ADAMTS12: variants seen among roughly 807,000 people sequenced by gnomAD.
ADAMTS12 encodes the protein ADAM metallopeptidase with thrombospondin type 1 motif 12, also known as A disintegrin and metalloproteinase with thrombospondin motifs 12.
Under a neutral mutation model 167.8 loss-of-function variants are expected in ADAMTS12, and 118 were observed. That is an observed-to-expected ratio of 0.70 (90% CI 0.61 to 0.82). The LOEUF is 0.82. ADAMTS12 is among the 40% of genes least tolerant of loss of function. The pLI is 0.00. For synonymous variants in ADAMTS12, 704 were observed against 716.9 expected (o/e 0.98, Z 0.29); for missense variants, 1,916 against 1,998.8 (o/e 0.96, Z 0.79).
intron 19 of ADAMTS12, among the ~76,000 whole-genome samples, chr5:33,565,724 A>G (rs1252647407): frequency 9.3e-6 from 1 of 107,086 alleles, no homozygotes; most frequent in South Asian, 2.8e-4. Flanking sequence ...AAGACCATTT[A>G]TTTCTGTCAA....
In ADAMTS12 at chr5:33,581,203, C is replaced by G. The variant is rs118116313; in HGVS notation, c.2866-4043G>C. On this transcript the variant is annotated intron_variant, in intron 18 of 23. Coordinates refer to ENST00000504830, the MANE Select transcript of ADAMTS12 (RefSeq NM_030955.4). ...GAGATAAATGCAGTACACAACGCCA[C>G]ACTCCAAACCTATCTCAATTGGTAG... Among the ~76,000 whole-genome samples the G allele has an allele frequency of 8.5e-4, 130 of 152,354 alleles. 1 individual carries two copies. In the East Asian group the frequency reaches 0.022, roughly 26 times the overall value.
chr5:33,672,585 A>T (rs904781503), intron 5 of ADAMTS12, among the ~76,000 whole-genome samples: 11 of 152,290 alleles, frequency 7.2e-5, no homozygotes, highest in Admixed American at 1.3e-4. Flanking sequence ...GAAAAGCTCT[A>T]CCTTTCAATA....
At chr5:33,849,972 T>C (rs1408915651) in intron 2 of ADAMTS12, among the ~76,000 whole-genome samples, 2 of 152,064 alleles carry the variant, frequency 1.3e-5, no homozygotes, top group Non-Finnish European at 2.9e-5. Context: ...AGGTGGGAGA[T>C]GTATTTTATA....
At chr5:33,823,048 A>G (rs899937564) in intron 2 of ADAMTS12, among the ~76,000 whole-genome samples, 2 of 151,078 alleles carry the variant, frequency 1.3e-5, no homozygotes, top group Non-Finnish European at 2.9e-5. Flanking sequence ...CTATGATCAC[A>G]CCACTTCACT....
chr5:33,610,711 G>A (rs191987954), intron 16 of ADAMTS12, among the ~76,000 whole-genome samples: 1 of 152,274 alleles, frequency 6.6e-6, no homozygotes, highest in Non-Finnish European at 1.5e-5. Context: ...CTGCAAAATA[G>A]TAGCATGTAT....
chr5:33,531,004 C>G (rs373290192), intron 23 of ADAMTS12, among the ~76,000 whole-genome samples: 3 of 152,268 alleles, frequency 2.0e-5, no homozygotes, highest in East Asian at 1.9e-4. Context: ...GGCCCTTCAT[C>G]CAACCTGAGT....
chr5:33,576,547 C>T lies in ADAMTS12; in HGVS notation c.3479G>A (p.Gly1160Glu), dbSNP rs963969902. Residue 1160 changes from glycine to glutamate, a missense_variant, in exon 19 of 24, where the codon GGG (glycine) becomes GAG (glutamate). Gly to Glu is a moderately conservative substitution (Grantham distance 98, BLOSUM62 -2). Transcript: ENST00000504830. ...GPEMEIHSGSGEEREQPEDKD... is the reference protein window; with the variant it reads ...GPEMEIHSGSEEEREQPEDKD... ...GTCCTCAGGCTGTTCTCTTTCTTCC[C>T]CTGAGCCACTGTGAATCTCCATTTC... is the stretch of plus-strand genomic sequence containing the variant. The T allele has an allele frequency of 1.9e-6, 3 of 1,613,876 alleles. No individual in the cohort carries two copies. Among genetic ancestry groups the T allele is most frequent in the African/African-American group, 1.3e-5 (1 of 75,030 alleles).
At chr5:33,587,030 T>C (rs1398874254) in intron 18 of ADAMTS12, among the ~76,000 whole-genome samples, 1 of 152,038 alleles carries the variant, frequency 6.6e-6, no homozygotes, top group Non-Finnish European at 1.5e-5. Flanking sequence ...CTAGGGACCA[T>C]ATTTTCTGTT....
In ADAMTS12 at chr5:33,546,133, T is replaced by C. The variant is rs761496496; in HGVS notation, c.4372A>G (p.Thr1458Ala). Residue 1458 changes from threonine (T) to alanine (A), a missense_variant, in exon 22 of 24, where the codon ACA (threonine) becomes GCA (alanine). By Grantham distance (58) the Thr-to-Ala change is moderately conservative. Coordinates refer to ENST00000504830, the MANE Select transcript of ADAMTS12 (RefSeq NM_030955.4). Reference protein sequence around the residue: ...VFCPGGLCDWTKRPTSTMSCN... With the variant: ...VFCPGGLCDWAKRPTSTMSCN... ...GACATGGTGGATGTGGGTCTTTTTG[T>C]CCAATCACAGAGGCCTCCTGGACAG... is the stretch of plus-strand genomic sequence containing the variant. 1 of 1,613,986 alleles carries C rather than the reference T, an allele frequency of 6.2e-7. No individual in the cohort carries two copies. The highest frequency in any genetic ancestry group is 1.3e-5 in the African/African-American group (1 of 75,002).
intron 10 of ADAMTS12, among the ~76,000 whole-genome samples, chr5:33,643,052 GA>G (rs993047091): frequency 6.6e-6 from 1 of 152,108 alleles, no homozygotes; most frequent in African/African-American, 2.4e-5. Flanking sequence ...CCATATGAGA[GA>G]AAAAAAGTCA....
chr5:33,570,117 T>C (rs1409206936), intron 19 of ADAMTS12, among the ~76,000 whole-genome samples: 12 of 152,240 alleles, frequency 7.9e-5, no homozygotes, highest in Non-Finnish European at 1.6e-4. Flanking sequence ...AATCTGCCTC[T>C]GATTGGTGTA....
chr5:33,702,466 G>C (rs1743037669), intron 3 of ADAMTS12, among the ~76,000 whole-genome samples: 1 of 152,194 alleles, frequency 6.6e-6, no homozygotes, highest in South Asian at 2.1e-4. Flanking sequence ...GGAATGCATA[G>C]TGGTGTAGAC....
rs1387308954 is a variant in ADAMTS12, at chr5:33,576,487, A to C, written c.3539T>G (p.Ile1180Ser). 1 of 1,608,822 alleles carries C rather than the reference A, an allele frequency of 6.2e-7. No individual in the cohort carries two copies. Among genetic ancestry groups the C allele is most frequent in the Admixed American group, 1.7e-5 (1 of 59,614 alleles). Residue 1180 changes from isoleucine (I) to serine (S), a missense_variant, in exon 19 of 24, where the codon ATC (isoleucine) becomes AGC (serine). By Grantham distance (142) the Ile-to-Ser change is moderately radical. Transcript: ENST00000504830. ...DESNPVIWTK[I>S]RVPGNDAPVE... ...TGGAGCGTCATTTCCAGGTACTCTG[A>C]TCTTGGTCCATATTACAGGATTGCT...
rs558358169 is a variant in ADAMTS12, at chr5:33,626,695, G to A, written c.2023-2344C>T. 4.6e-4 allele frequency among the ~76,000 whole-genome samples: 70 copies of A among 151,144 alleles called. 2 individuals are homozygous for A. In the South Asian group the frequency reaches 0.011, roughly 24 times the overall value. The stretch of plus-strand genomic sequence containing the variant: ...TGGTGATTTGATGGTGGTAGTGGTA[G>A]TGGTGGTGATGTGGTAGTGGGGGTA... On this transcript the variant is annotated intron_variant, in intron 13 of 23. Transcript: ENST00000504830.
chr5:33,572,097 C>T (rs1243487455), intron 19 of ADAMTS12, among the ~76,000 whole-genome samples: 3 of 152,040 alleles, frequency 2.0e-5, no homozygotes, highest in East Asian at 1.9e-4. Flanking sequence ...GAAATTGGGG[C>T]AATAATCAAT....
chr5:33,887,453 G>A (rs535600333), intron 1 of ADAMTS12, among the ~76,000 whole-genome samples: 4 of 152,278 alleles, frequency 2.6e-5, no homozygotes, highest in Admixed American at 6.5e-5. Flanking sequence ...TTGTCAATAA[G>A]GTGTGGGGTT....
chr5:33,702,592 A>T (rs938155650), intron 3 of ADAMTS12, among the ~76,000 whole-genome samples: 3 of 152,222 alleles, frequency 2.0e-5, no homozygotes, highest in Non-Finnish European at 2.9e-5. Context: ...CACCCAGTAC[A>T]AAAGTGCCCC....
At chr5:33,649,800 G>A (rs4621563) in intron 7 of ADAMTS12, 103 bp from the exon 8 acceptor site, 876,098 of 1,438,348 alleles carry the variant, frequency 0.61, 269,265 homozygotes, top group East Asian at 0.64. Flanking sequence ...AGACAGCCAC[G>A]TTTGTACAGA....
Position 33,588,704 on chromosome 5 carries a change from AG to A in ADAMTS12, c.2759del (p.Ala920ValfsTer11). On this transcript the variant is annotated frameshift_variant, in exon 18 of 24. Coordinates refer to ENST00000504830, the MANE Select transcript of ADAMTS12 (RefSeq NM_030955.4). LOFTEE classifies it high-confidence loss of function. Reference protein sequence around the residue: ...CIQTMVSDEQALPPTDCQHLL... With the variant: ...CIQTMVSDEQXLPPTDCQHLL... ...GGTGCTGGCAGTCTGTGGGCGGGAG[AG>A]CCTGCTCGTCAGAGACCATGGTCTG... The A allele has an allele frequency of 6.2e-7, 1 of 1,613,980 alleles. No individual in the cohort carries two copies.
Sources: gnomAD v4.1 joint callset for allele counts (sites outside exome capture counted in the v4.1 genomes callset) on GRCh38, gnomAD v4.1.1 for gene constraint, MANE v1.5 for transcripts, NCBI Gene and HGNC (gene_info 2026-07-23, HGNC 2026-07-21) for gene names.